The following PAMR1 variants were observed in gnomAD, a reference collection of about 807,000 sequenced individuals.
The protein encoded by PAMR1 is inactive serine protease PAMR1.
A neutral mutation model predicts 81.8 loss-of-function variants in PAMR1; 88 were observed. The ratio of observed to expected loss-of-function variants is 1.08; its 90% confidence interval spans 0.91 to 1.28. The LOEUF is 1.28. PAMR1 is among the 50% of genes most tolerant of loss of function. The pLI, the probability that PAMR1 is intolerant of heterozygous loss-of-function variation, is 0.00. For missense variants in PAMR1, 935 were observed against 919.7 expected (o/e 1.02, Z -0.21); for synonymous variants, 336 against 345.3 (o/e 0.97, Z 0.30).
At chr11:35,450,880 C>G (rs1444835998) in intron 6 of PAMR1, among the ~76,000 whole-genome samples, 4 of 152,214 alleles carry the variant, frequency 2.6e-5, no homozygotes, top group African/African-American at 9.6e-5. Flanking sequence ...CTGCCTACTT[C>G]TAGCAGGCAT....
At chr11:35,528,529 C>A (rs547786816), upstream of PAMR1, among the ~76,000 whole-genome samples, 4 of 152,180 alleles carry the variant, frequency 2.6e-5, no homozygotes, top group Non-Finnish European at 4.4e-5. Context: ...TGAGTTACTC[C>A]TCACTAGGTA....
chr11:35,456,168 CT>C (rs1242343555), intron 6 of PAMR1, among the ~76,000 whole-genome samples: 1 of 152,096 alleles, frequency 6.6e-6, no homozygotes, highest in East Asian at 1.9e-4. Flanking sequence ...CCAATTCTTA[CT>C]AAGTGGCTAG....
chr11:35,447,612 G>A (rs1488461971), intron 6 of PAMR1, among the ~76,000 whole-genome samples: 1 of 152,156 alleles, frequency 6.6e-6, no homozygotes, highest in Non-Finnish European at 1.5e-5. Context: ...GCCATTCTGT[G>A]TATTTTAATT....
intron 1 of PAMR1, among the ~76,000 whole-genome samples, chr11:35,512,604 G>A (rs938909974): frequency 1.3e-5 from 2 of 152,200 alleles, no homozygotes; most frequent in African/African-American, 4.8e-5. Context: ...GTGGCCTTGG[G>A]CGAGTCACTA....
chr11:35,496,221 T>C (rs1244439380), intron 1 of PAMR1, among the ~76,000 whole-genome samples: 3 of 152,214 alleles, frequency 2.0e-5, no homozygotes, highest in Non-Finnish European at 2.9e-5. Context: ...CTATGGATTC[T>C]TAGACATGAC....
At position 35,492,072 on chromosome 11, in the gene PAMR1, C is replaced by G. The variant is rs1368223418; in HGVS notation, c.352G>C (p.Ala118Pro). The change falls in exon 3 of 11, where the codon GCA becomes CCA. Residue 118 changes from alanine (A) to proline (P), a missense_variant. Physicochemically the swap from Ala to Pro is conservative, Grantham distance 27 (BLOSUM62 -1). Coordinates refer to ENST00000619888, the MANE Select transcript of PAMR1 (RefSeq NM_001001991.3). ...ATGCAGTCTCCTCCGTACCAGCCTG[C>G]TCGGCACTCTGCACAGTAGAACCCC... is the stretch of plus-strand genomic sequence containing the variant. ...VKGFYCAECR[A>P]GWYGGDCMRC... The G allele has an allele frequency of 6.2e-7, 1 of 1,613,950 alleles. No homozygotes were observed.
rs115705537 is a variant in PAMR1, at chr11:35,455,202, T to G, written c.820+12799A>C. On this transcript the variant is annotated intron_variant, in intron 6 of 10. Transcript: ENST00000619888. ...TAAATTCTATAGGAAGTGGACATGATGATAGTGATATCAGGGAGTAACTAT... is the reference window on the plus strand; with the variant it reads ...TAAATTCTATAGGAAGTGGACATGAGGATAGTGATATCAGGGAGTAACTAT... Among the ~76,000 whole-genome samples, 882 of 152,370 alleles carry G rather than the reference T, an allele frequency of 5.8e-3. 12 individuals carry two copies. The highest frequency in any genetic ancestry group is 0.02 in the African/African-American group (850 of 41,594).
At chr11:35,466,453 T>C (rs1856757898) in intron 6 of PAMR1, among the ~76,000 whole-genome samples, 1 of 152,054 alleles carries the variant, frequency 6.6e-6, no homozygotes, top group African/African-American at 2.4e-5. Context: ...ACTGGGCCAG[T>C]GCAGTGGCTC....
intron 1 of PAMR1, among the ~76,000 whole-genome samples, chr11:35,496,576 G>A (rs956090835): frequency 3.3e-5 from 5 of 152,176 alleles, no homozygotes; most frequent in Non-Finnish European, 7.3e-5. Context: ...CCACTTACTA[G>A]GGTGGCTATG....
At chr11:35,449,105 C>A (rs1440310149) in intron 6 of PAMR1, among the ~76,000 whole-genome samples, 1 of 152,228 alleles carries the variant, frequency 6.6e-6, no homozygotes, top group Non-Finnish European at 1.5e-5. Context: ...GAGGTTCCAC[C>A]CAGTCAGGAG....
Position 35,470,783 on chromosome 11 carries a change from C to T in PAMR1, c.530G>A (p.Cys177Tyr), listed in dbSNP as rs1191393237. 6.8e-6 allele frequency: 11 copies of T among 1,613,928 alleles called. No individual in the cohort carries two copies. Among genetic ancestry groups the T allele is most frequent in the Admixed American group, 1.7e-5 (1 of 59,996 alleles). ...VMLSLEFDYM[C>Y]QYDYVEVRDG... ...ACGAACCTCAACATAGTCATACTGGCACATGTAGTCAAACTCCAGGCTCAA... is the reference window on the plus strand; with the variant it reads ...ACGAACCTCAACATAGTCATACTGGTACATGTAGTCAAACTCCAGGCTCAA... Residue 177 changes from cysteine (C) to tyrosine (Y), a missense_variant, in exon 5 of 11, where the codon TGC (cysteine) becomes TAC (tyrosine). Cys to Tyr is a radical substitution (Grantham distance 194, BLOSUM62 -2). Coordinates refer to ENST00000619888, the MANE Select transcript of PAMR1 (RefSeq NM_001001991.3).
At chr11:35,478,667 G>A (rs1850325944) in intron 3 of PAMR1, among the ~76,000 whole-genome samples, 2 of 152,292 alleles carry the variant, frequency 1.3e-5, no homozygotes, top group African/African-American at 4.8e-5. Context: ...TCTCTGTCTA[G>A]GGCAGAACAG....
rs947484663 is a variant in PAMR1, at chr11:35,468,112, T to C, written c.713-4A>G. The C allele has an allele frequency of 6.5e-7, 1 of 1,545,584 alleles. No individual in the cohort carries two copies. The highest frequency in any genetic ancestry group is 1.4e-5 in the African/African-American group (1 of 72,988). On this transcript the variant is annotated splice_polypyrimidine_tract_variant and splice_region_variant and intron_variant, in intron 5 of 10. Transcript: ENST00000619888. ...AAACAAGGGGATGAGGAGCATGCTG[T>C]AAGAGAAAAGGCATCCTTCAGTGCC...
chr11:35,508,689 G>A lies in PAMR1; in HGVS notation c.74-14417C>T, dbSNP rs113548053. The stretch of plus-strand genomic sequence containing the variant: ...ATCTTTTTATGCTCATTCTCCTCCC[G>A]CCCTCCACCTGCAAGTAGGCCCCAG... On this transcript the variant is annotated intron_variant, in intron 1 of 10. Coordinates refer to ENST00000619888, the MANE Select transcript of PAMR1 (RefSeq NM_001001991.3). Among the ~76,000 whole-genome samples the A allele has an allele frequency of 7.4e-3, 1,124 of 151,758 alleles. 11 individuals are homozygous for A. The highest frequency in any genetic ancestry group is 0.026 in the African/African-American group (1,058 of 41,354).
rs572515117 is a variant in PAMR1, at chr11:35,442,357, G to A, written c.821-664C>T. Among the ~76,000 whole-genome samples, 31 of 152,212 alleles carry A rather than the reference G, an allele frequency of 2.0e-4. No individual in the cohort carries two copies. In the East Asian group the frequency reaches 4.6e-3, roughly 23 times the overall value. ...TTCTATTCTTTGAGTCCTGTTGAAT[G>A]GCTATTAAAGTAGAAATGGCATCAG... On this transcript the variant is annotated intron_variant, in intron 6 of 10. Coordinates refer to ENST00000619888, the MANE Select transcript of PAMR1 (RefSeq NM_001001991.3).
chr11:35,445,548 G>A (rs1049845852), intron 6 of PAMR1, among the ~76,000 whole-genome samples: 10 of 151,886 alleles, frequency 6.6e-5, no homozygotes, highest in Admixed American at 6.6e-4. Flanking sequence ...TTAACATGAA[G>A]GGATGTTGAA....
chr11:35,447,915 T>C (rs993580889), intron 6 of PAMR1, among the ~76,000 whole-genome samples: 1 of 152,240 alleles, frequency 6.6e-6, no homozygotes, highest in Non-Finnish European at 1.5e-5. Flanking sequence ...TTAGTTTGCC[T>C]GGATATGAAA....
chr11:35,489,257 T>G (rs1850571317), intron 3 of PAMR1, among the ~76,000 whole-genome samples: 1 of 152,208 alleles, frequency 6.6e-6, no homozygotes, highest in African/African-American at 2.4e-5. Context: ...GGAACTCACC[T>G]TCTTTCCCCC....
chr11:35,514,520 A>G (rs1481623462), intron 1 of PAMR1, among the ~76,000 whole-genome samples: 1 of 152,194 alleles, frequency 6.6e-6, no homozygotes, highest in African/African-American at 2.4e-5. Flanking sequence ...ACAAAACCCA[A>G]ACTCTAGGAG....
Sources: allele counts gnomAD v4.1 joint callset (sites outside exome capture counted in the v4.1 genomes callset), GRCh38; gene constraint gnomAD v4.1.1; transcripts MANE v1.5; gene names NCBI Gene and HGNC (gene_info 2026-07-23, HGNC 2026-07-21).